The following MACROD2 variants were observed in gnomAD, a reference collection of about 807,000 sequenced individuals.
MACROD2 encodes the protein mono-ADP ribosylhydrolase 2, also known as ADP-ribose glycohydrolase MACROD2.
A neutral mutation model predicts 70.4 loss-of-function variants in MACROD2; 36 were observed. That is an observed-to-expected ratio of 0.51 (90% CI 0.39 to 0.68). The LOEUF is 0.68. Ranked by LOEUF, MACROD2 falls within the 30% of genes least tolerant of loss-of-function variation. MACROD2 has a pLI of 0.00. For missense variants in MACROD2, 496 were observed against 538.4 expected, an observed-to-expected ratio of 0.92 and a Z score of 0.78; for synonymous variants, 172 against 178.8, an observed-to-expected ratio of 0.96 and a Z score of 0.30.
intron 4 of MACROD2, among the ~76,000 whole-genome samples, chr20:14,654,759 G>A (rs184198061): frequency 5.9e-5 from 9 of 152,182 alleles, no homozygotes; most frequent in Admixed American, 1.3e-4. Flanking sequence ...ATTAGTTTCC[G>A]ACAGCACTGT....
chr20:14,858,924 A>G (rs2073284382), intron 5 of MACROD2, among the ~76,000 whole-genome samples: 1 of 152,176 alleles, frequency 6.6e-6, no homozygotes, highest in African/African-American at 2.4e-5. Flanking sequence ...GAGGCAGAAC[A>G]TGAAGTACTA....
At chr20:15,277,356 A>T (rs187429467) in intron 6 of MACROD2, among the ~76,000 whole-genome samples, 82 of 152,350 alleles carry the variant, frequency 5.4e-4, no homozygotes, top group Non-Finnish European at 8.2e-4. Flanking sequence ...CCAGCAAAAT[A>T]AATAAGATCT....
chr20:15,988,668 G>T (rs2147474103), intron 15 of MACROD2, among the ~76,000 whole-genome samples: 1 of 152,136 alleles, frequency 6.6e-6, no homozygotes, highest in East Asian at 1.9e-4. Flanking sequence ...TAGCATGTGG[G>T]AAAAAAGCAA....
At chr20:14,095,668 A>G (rs1316244109) in intron 3 of MACROD2, among the ~76,000 whole-genome samples, 1 of 152,210 alleles carries the variant, frequency 6.6e-6, no homozygotes, top group African/African-American at 2.4e-5. Context: ...GGCTCTTGGA[A>G]CACTATCAAC....
At chr20:15,980,352 C>A (rs2066379736) in intron 13 of MACROD2, among the ~76,000 whole-genome samples, 1 of 152,122 alleles carries the variant, frequency 6.6e-6, no homozygotes, top group Non-Finnish European at 1.5e-5. Flanking sequence ...TCCCTCATTT[C>A]CCCCTTTTGA....
intron 8 of MACROD2, among the ~76,000 whole-genome samples, chr20:15,813,808 A>T (rs1335664573): frequency 6.6e-6 from 1 of 152,146 alleles, no homozygotes; most frequent in Non-Finnish European, 1.5e-5. Context: ...AATATCTTGA[A>T]CTTCAGATGT....
chr20:14,560,042 A>T (rs1015718257), intron 4 of MACROD2, among the ~76,000 whole-genome samples: 1 of 151,814 alleles, frequency 6.6e-6, no homozygotes, highest in African/African-American at 2.4e-5. Flanking sequence ...ATATTTAAGT[A>T]TTCAAGCTCT....
intron 3 of MACROD2, among the ~76,000 whole-genome samples, chr20:14,267,506 C>G (rs1223712479): frequency 1.3e-5 from 2 of 152,022 alleles, no homozygotes; most frequent in South Asian, 2.1e-4. Flanking sequence ...TCTCAAGTAT[C>G]TATTAACATT....
At chr20:15,690,472 T>C (rs994417733) in intron 8 of MACROD2, among the ~76,000 whole-genome samples, 4 of 152,154 alleles carry the variant, frequency 2.6e-5, no homozygotes, top group African/African-American at 9.7e-5. Context: ...AGAGACCAAG[T>C]TGGCATTTGG....
intron 3 of MACROD2, among the ~76,000 whole-genome samples, chr20:14,271,175 G>A (rs1431397566): frequency 2.0e-5 from 3 of 152,278 alleles, no homozygotes; most frequent in East Asian, 1.9e-4. Context: ...ATCTGAGAAC[G>A]GGCAGACTGC....
chr20:15,666,901 T>A (rs1253013571), intron 8 of MACROD2, among the ~76,000 whole-genome samples: 1 of 152,088 alleles, frequency 6.6e-6, no homozygotes, highest in Non-Finnish European at 1.5e-5. Flanking sequence ...TTATAAAAAA[T>A]TTCAAACATT....
At chr20:15,516,967 A>C (rs2047576278) in intron 8 of MACROD2, among the ~76,000 whole-genome samples, 1 of 152,202 alleles carries the variant, frequency 6.6e-6, no homozygotes, top group Admixed American at 6.5e-5. Flanking sequence ...CCACCATAAG[A>C]TCTTGTTTCA....
intron 8 of MACROD2, among the ~76,000 whole-genome samples, chr20:15,570,063 A>G (rs1340113228): frequency 1.3e-5 from 2 of 152,164 alleles, no homozygotes; most frequent in Non-Finnish European, 2.9e-5. Flanking sequence ...CAAAAAATGT[A>G]CATATGTTTT....
intron 3 of MACROD2, among the ~76,000 whole-genome samples, chr20:14,435,549 AACAGATAGTTATT>A (rs2084046648): frequency 1.3e-5 from 2 of 152,174 alleles, no homozygotes; most frequent in Admixed American, 1.3e-4. Flanking sequence ...TTTTTAATTC[AACAGATAGTTATT>A]GAGTACCCCT....
intron 3 of MACROD2, among the ~76,000 whole-genome samples, chr20:14,477,933 C>G (rs2084617081): frequency 6.6e-6 from 1 of 152,124 alleles, no homozygotes; most frequent in Non-Finnish European, 1.5e-5. Flanking sequence ...TGGTCAAAGA[C>G]TCACTCCATT....
intron 3 of MACROD2, among the ~76,000 whole-genome samples, chr20:14,374,590 TAGAA>T (rs1173688094): frequency 2.0e-5 from 3 of 152,182 alleles, no homozygotes; most frequent in African/African-American, 7.2e-5. Flanking sequence ...CTTTTTCTGA[TAGAA>T]AGATTTTTTT....
At chr20:15,605,290 T>C (rs1320447697) in intron 8 of MACROD2, among the ~76,000 whole-genome samples, 1 of 152,160 alleles carries the variant, frequency 6.6e-6, no homozygotes, top group African/African-American at 2.4e-5. Context: ...CACTCTTGAC[T>C]CTCCTGTCTT....
chr20:14,278,568 T>C (rs114855459), intron 3 of MACROD2, among the ~76,000 whole-genome samples: 98 of 152,332 alleles, frequency 6.4e-4, no homozygotes, highest in African/African-American at 2.2e-3. Context: ...AACTAATTGG[T>C]TGTGCGAAAA....
chr20:14,578,458 T>C (rs898380975), intron 4 of MACROD2, among the ~76,000 whole-genome samples: 29 of 152,292 alleles, frequency 1.9e-4, no homozygotes, highest in African/African-American at 6.0e-4. Flanking sequence ...TTTGACTGCC[T>C]CTCAGATATT....
Sources: gnomAD v4.1 joint callset for allele counts (sites outside exome capture counted in the v4.1 genomes callset) on GRCh38, gnomAD v4.1.1 for gene constraint, MANE v1.5 for transcripts, NCBI Gene and HGNC (gene_info 2026-07-23, HGNC 2026-07-21) for gene names.